The following SBNO2 variants were observed in gnomAD, a reference collection of about 807,000 sequenced individuals.
SBNO2 encodes strawberry notch homolog 2, also known as protein strawberry notch homolog 2.
Under a neutral mutation model 146.3 loss-of-function variants are expected in SBNO2, and 89 were observed. The ratio of observed to expected loss-of-function variants is 0.61; its 90% CI spans 0.51 to 0.73. SBNO2 has a LOEUF of 0.73. Among genes scored for constraint, SBNO2 ranks in the 30% least tolerant of loss-of-function variants. The probability of loss-of-function intolerance (pLI) is 0.00; values close to 1 mark genes in which losing one functional copy is unlikely to be tolerated. For synonymous variants in SBNO2, 1,147 were observed against 892.6 expected (o/e 1.29, Z -5.08); for missense variants, 2,092 against 2,003.7 (o/e 1.04, Z -0.84).
In SBNO2 at chr19:1,108,251, G is replaced by A. The variant is rs1439439745; in HGVS notation, c.4070C>T (p.Pro1357Leu). The A allele has an allele frequency of 6.6e-7, 1 of 1,525,878 alleles. No homozygotes were observed. Among genetic ancestry groups the A allele is most frequent in the African/African-American group, 1.4e-5 (1 of 70,192 alleles). The allele number at this position is 1,525,878 out of a possible 1,614,324, so 94.5% of individuals were successfully genotyped here. A position where few individuals can be genotyped will look rare whatever the true frequency, so the allele number is the denominator to read the frequency against. ...PERQSVIQFSPPFPGAQAPL is the reference protein window; with the variant it reads ...PERQSVIQFSLPFPGAQAPL ...AGGAGCCTGGGCGCCGGGGAAGGGT[G>A]GGCTGAACTGGATCACGCTCTGCCG... Residue 1357 changes from proline to leucine, a missense_variant, in exon 32 of 32, where the codon CCA becomes CTA. Transcript: ENST00000361757.
chr19:1,146,933 G>T (rs2080196254), intron 4 of SBNO2, among the ~76,000 whole-genome samples: 2 of 152,214 alleles, frequency 1.3e-5, no homozygotes, highest in Admixed American at 6.5e-5. Flanking sequence ...TGGCTGCTAA[G>T]GGGTTGGGAC....
At position 1,117,316 on chromosome 19, in the gene SBNO2, C is replaced by T. The variant is rs768972177; in HGVS notation, c.1704+7G>A. The T allele has an allele frequency of 1.3e-4, 208 of 1,557,078 alleles. No individual in the cohort carries two copies. The highest frequency in any genetic ancestry group is 4.8e-4 in the Admixed American group (25 of 51,990). On this transcript the variant is annotated splice_region_variant and intron_variant, in intron 15 of 31. Coordinates refer to ENST00000361757, the MANE Select transcript of SBNO2 (RefSeq NM_014963.3). ...GCCCTCAGCCCTCGAAGGCCGCAGCCGCTCACCTTGTCTCGCGCCAGCTCC... is the reference window on the plus strand; with the variant it reads ...GCCCTCAGCCCTCGAAGGCCGCAGCTGCTCACCTTGTCTCGCGCCAGCTCC...
chr19:1,157,696 G>C lies in SBNO2; in HGVS notation c.-126-3294C>G, dbSNP rs1470751640. Among the ~76,000 whole-genome samples, 3 of 152,214 alleles carry C rather than the reference G, an allele frequency of 2.0e-5. No homozygotes were observed. Among genetic ancestry groups the C allele is most frequent in the African/African-American group, 4.8e-5 (2 of 41,434 alleles). On this transcript the variant is annotated intron_variant, in intron 1 of 31. Transcript: ENST00000361757. This position sits in a 1 kb window ranked among gnomAD's most constrained non-coding sequence, Gnocchi z 6.8. ...TCTTCAAGGGAGTCGTTGTAAAAGA[G>C]AACGATGAAGGTGCTGGTGGCCCAG...
intron 24 of SBNO2, among the ~76,000 whole-genome samples, 171 bp from the exon 25 acceptor site, chr19:1,111,264 G>C (rs1200846256): frequency 6.6e-6 from 1 of 152,204 alleles, no homozygotes; most frequent in Non-Finnish European, 1.5e-5. Context: ...ACAGGAGTGA[G>C]AACAGCATGT....
At chr19:1,121,944 CTGGG>C (rs2079905298) in intron 11 of SBNO2, among the ~76,000 whole-genome samples, 191 bp downstream of exon 11, 2 of 152,146 alleles carry the variant, frequency 1.3e-5, no homozygotes, top group Non-Finnish European at 2.9e-5. Context: ...AAGCTGGGGG[CTGGG>C]TGGCCACATC....
rs1312215541 is a variant in SBNO2, at chr19:1,116,904, G to A, written c.1727C>T (p.Ser576Phe). ...RDKCVVIGLQ[S>F]TGEARTREVL... is the part of the protein sequence containing the mutation. The stretch of plus-strand genomic sequence containing the variant: ...CTCCCGCGTGCGCGCCTCGCCCGTG[G>A]ACTGCAGCCCGATGACCACGCACTG... Residue 576 changes from serine (S) to phenylalanine (F), a missense_variant, in exon 16 of 32, where the codon TCC becomes TTC. Physicochemically the swap from Ser to Phe is radical, Grantham distance 155. Coordinates refer to ENST00000361757, the MANE Select transcript of SBNO2 (RefSeq NM_014963.3). 6.4e-7 allele frequency: 1 copy of A among 1,565,990 alleles called. No individual in the cohort carries two copies. Among genetic ancestry groups the A allele is most frequent in the Non-Finnish European group, 8.6e-7 (1 of 1,160,826 alleles).
chr19:1,161,950 C>G (rs2080351383), intron 1 of SBNO2, among the ~76,000 whole-genome samples: 1 of 114,874 alleles, frequency 8.7e-6, no homozygotes. Context: ...CGGGGAGGAG[C>G]CGACATACAG....
In SBNO2 at chr19:1,157,275, G is replaced by C. The variant is rs530304987; in HGVS notation, c.-126-2873C>G. ...GCCCCAATCCCCAGGATAAACCCTA[G>C]TGGGACACTGGGTGGGGTCTTGGGG... On this transcript the variant is annotated intron_variant, in intron 1 of 31. Coordinates refer to ENST00000361757, the MANE Select transcript of SBNO2 (RefSeq NM_014963.3). The surrounding 1 kb of genome is among the most constrained non-coding windows in gnomAD (Gnocchi z 6.8). Among the ~76,000 whole-genome samples the C allele has an allele frequency of 8.6e-4, 131 of 151,932 alleles. No individual in the cohort carries two copies. The highest frequency in any genetic ancestry group is 1.4e-3 in the Non-Finnish European group (97 of 67,922).
At chr19:1,121,252 AC>A (rs1281938639) in intron 11 of SBNO2, among the ~76,000 whole-genome samples, 1 of 152,178 alleles carries the variant, frequency 6.6e-6, no homozygotes, top group Non-Finnish European at 1.5e-5. Flanking sequence ...AGGAAGGAAA[AC>A]TGGGAGAATA....
Position 1,109,683 on chromosome 19 carries a change from C to T in SBNO2, c.3123G>A (p.Lys1041=). The T allele has an allele frequency of 6.2e-7, 1 of 1,607,382 alleles. No homozygotes were observed. Among genetic ancestry groups the T allele is most frequent in the Non-Finnish European group, 8.5e-7 (1 of 1,176,416 alleles). Residue 1041 remains lysine (K), a splice_region_variant and synonymous_variant, in exon 27 of 32, where the codon AAG becomes AAA. Transcript: ENST00000361757. This position sits in a 1 kb window ranked among gnomAD's most constrained non-coding sequence, Gnocchi z 4.2. ...HPQDGQVVFY[K]ISVDRGLKWE... ...AGGGGCTGTGGGGCTTCCTGCTGAC[C>T]TTGTAGAAGACCACCTGCCCGTCCT...
rs375408204 is a variant in SBNO2 at position 1,122,180 on chromosome 19, G to A, written c.1108C>T (p.Arg370Trp). The change falls in exon 11 of 32, where the codon CGG becomes TGG. Residue 370 changes from arginine to tryptophan, a missense_variant. Transcript: ENST00000361757. The part of the protein sequence containing the change: ...QAGGQHRTRL[R>W]QILDWCGEAF... ...TCCCCACACCAGTCCAGGATCTGCC[G>A]GAGGCGAGTGCGGTGCTGGCCGCCG... The A allele has an allele frequency of 9.1e-5, 140 of 1,534,048 alleles. No individual in the cohort carries two copies. Among genetic ancestry groups the A allele is most frequent in the African/African-American group, 1.9e-4 (14 of 72,418 alleles).
chr19:1,123,442 G>A (rs1204419187), intron 7 of SBNO2, 92 bp downstream of exon 7: 5 of 1,054,924 alleles, frequency 4.7e-6, no homozygotes, highest in Non-Finnish European at 7.3e-6. Flanking sequence ...CATTCCCTCT[G>A]TGGGCTGTGC....
Position 1,123,450 on chromosome 19 carries a change from T to C in SBNO2, c.628+84A>G, listed in dbSNP as rs1017623803. On this transcript the variant is annotated intron_variant, in intron 7 of 31. Transcript: ENST00000361757. Reference sequence around the variant, plus strand: ...AGCTTCACATTCCCTCTGTGGGCTGTGCGGGCGGTGGTCACCTGCAGGGTC... The same window carrying C: ...AGCTTCACATTCCCTCTGTGGGCTGCGCGGGCGGTGGTCACCTGCAGGGTC... 2.8e-5 allele frequency: 32 copies of C among 1,128,668 alleles called. No homozygotes were observed. In the African/African-American group the frequency reaches 4.6e-4, roughly 16 times the overall value. 69.9% of individuals were successfully genotyped at this position (1,128,668 alleles called of 1,614,324 possible). A position where few individuals can be genotyped will look rare whatever the true frequency, so the allele number is the denominator to read the frequency against.
rs754625339 is a variant in SBNO2, at chr19:1,108,467, C to A, written c.3854G>T (p.Gly1285Val). The A allele has an allele frequency of 7.5e-5, 92 of 1,226,838 alleles. 1 individual carries two copies. In the East Asian group the frequency reaches 3.4e-3, roughly 45 times the overall value. 76.0% of individuals were successfully genotyped at this position (1,226,838 alleles called of 1,614,324 possible). ...SFPAPLSLDA[G>V]PGVVPLGTPD... is the part of the protein sequence containing the mutation. ...GGTGCCCAGCGGCACGACGCCGGGG[C>A]CGGCGTCCAGGGACAGCGGCGCCGG... Residue 1285 changes from glycine to valine, a missense_variant, in exon 32 of 32, where the codon GGC (glycine) becomes GTC (valine). Physicochemically the swap from Gly to Val is moderately radical, Grantham distance 109. Transcript: ENST00000361757.
rs549977282 is a variant in SBNO2 at position 1,127,467 on chromosome 19, A to G, written c.441+137T>C. The G allele has an allele frequency of 2.0e-5, 17 of 833,268 alleles. No homozygotes were observed. The African/African-American group carries it at 2.5e-4, about 12-fold the overall frequency. The allele number at this position is 833,268 out of a possible 1,614,324, so 51.6% of individuals were successfully genotyped here. Reference sequence around the variant, plus strand: ...CTAACCACCTCATCCATGGCCACAGATGGCGCCGACAGTGACAGGCACAGC... The same window carrying G: ...CTAACCACCTCATCCATGGCCACAGGTGGCGCCGACAGTGACAGGCACAGC... On this transcript the variant is annotated intron_variant, in intron 5 of 31. Transcript: ENST00000361757.
intron 1 of SBNO2, among the ~76,000 whole-genome samples, chr19:1,155,926 G>A (rs954911675): frequency 2.6e-5 from 4 of 152,274 alleles, no homozygotes; most frequent in Admixed American, 1.3e-4. Context: ...TCCATCTCAC[G>A]GCAGCCACAG....
rs779109010 is a variant in SBNO2 at position 1,110,992 on chromosome 19, C to T, written c.2884+27G>A. On this transcript the variant is annotated intron_variant, in intron 25 of 31. Coordinates refer to ENST00000361757, the MANE Select transcript of SBNO2 (RefSeq NM_014963.3). The surrounding 1 kb of genome is among the most constrained non-coding windows in gnomAD (Gnocchi z 4.9). ...TGCATGAGATGAGAGACAGGAGCGC[C>T]TCTGGGCCTGGGTGTGGGGCACTCA... is the stretch of plus-strand genomic sequence containing the variant. The T allele has an allele frequency of 9.1e-5, 146 of 1,604,914 alleles. No homozygotes were observed. Among genetic ancestry groups the T allele is most frequent in the Non-Finnish European group, 1.1e-4 (135 of 1,176,196 alleles).
intron 1 of SBNO2, among the ~76,000 whole-genome samples, chr19:1,164,084 G>A (rs1056401173): frequency 2.6e-5 from 4 of 152,228 alleles, no homozygotes; most frequent in Non-Finnish European, 5.9e-5. Flanking sequence ...GGCCATCACG[G>A]CCCCTCTCCT....
chr19:1,165,374 C>T (rs1374845767), intron 1 of SBNO2, among the ~76,000 whole-genome samples: 1 of 152,182 alleles, frequency 6.6e-6, no homozygotes, highest in Non-Finnish European at 1.5e-5. Flanking sequence ...GACGTCGTGG[C>T]TGAGATGCGA....
Sources: gnomAD v4.1 joint callset for allele counts (sites outside exome capture counted in the v4.1 genomes callset) on GRCh38, gnomAD v4.1.1 for gene constraint, Gnocchi (gnomAD v3.1) non-coding constraint, MANE v1.5 for transcripts, NCBI Gene and HGNC (gene_info 2026-07-23, HGNC 2026-07-21) for gene names.